GAK: variants seen among roughly 807,000 people sequenced by gnomAD.
GAK encodes cyclin G associated kinase.
Under a neutral mutation model 143.9 loss-of-function variants are expected in GAK, and 79 were observed. That is an observed-to-expected ratio of 0.55 (90% CI 0.46 to 0.66). The LOEUF (loss-of-function observed/expected upper bound fraction) is 0.66. GAK is among the 30% of genes least tolerant of loss of function. The pLI is 0.00. For missense variants in GAK, 1,693 were observed against 1,779.7 expected, an observed-to-expected ratio of 0.95 and a Z score of 0.88; for synonymous variants, 881 against 765.5, an observed-to-expected ratio of 1.15 and a Z score of -2.49.
intron 1 of GAK, among the ~76,000 whole-genome samples, chr4:930,800 T>G (rs1279509134): frequency 6.6e-6 from 1 of 152,192 alleles, no homozygotes; most frequent in Admixed American, 6.5e-5. Flanking sequence ...CTGTTTGGTT[T>G]TGACCACAAT....
At chr4:889,108 T>C (rs1717143107) in intron 10 of GAK, 138 bp from the exon 11 acceptor site, 1 of 1,154,898 alleles carries the variant, frequency 8.7e-7, no homozygotes, top group Non-Finnish European at 1.2e-6. Context: ...AGGTGCAGGT[T>C]GCTGGCTGGG....
chr4:858,703 G>A lies in GAK; in HGVS notation c.3283+903C>T, dbSNP rs980872296. Among the ~76,000 whole-genome samples, 5 of 152,370 alleles carry A rather than the reference G, an allele frequency of 3.3e-5. No individual in the cohort carries two copies. The South Asian group carries it at 8.3e-4, about 25-fold the overall frequency. On this transcript the variant is annotated intron_variant, in intron 24 of 27. Coordinates refer to ENST00000314167, the MANE Select transcript of GAK (RefSeq NM_005255.4). ...CAGAAGGCACTTCAGATGTGAGCTC[G>A]CAAGAGCAGAGTGAGGACTCAAAGC...
intron 22 of GAK, 86 bp from the exon 23 acceptor site, chr4:865,330 C>T (rs1054052261): frequency 3.2e-6 from 5 of 1,562,468 alleles, no homozygotes; most frequent in Non-Finnish European, 2.6e-6. Context: ...GCTCAGGGCC[C>T]TAGGAGCGGA....
chr4:902,561 G>A (rs1316126417), intron 5 of GAK, among the ~76,000 whole-genome samples: 18 of 131,440 alleles, frequency 1.4e-4, no homozygotes, highest in African/African-American at 4.4e-4. Context: ...CGTCAGTGCC[G>A]CTGCACTCCA....
chr4:861,885 CTT>C (rs1374187319), intron 23 of GAK, among the ~76,000 whole-genome samples: 1 of 152,220 alleles, frequency 6.6e-6, no homozygotes, highest in Non-Finnish European at 1.5e-5. Context: ...GGTCTCAACT[CTT>C]TCAATTCTAT....
intron 10 of GAK, among the ~76,000 whole-genome samples, chr4:889,598 T>G (rs1055110524): frequency 1.3e-5 from 2 of 152,130 alleles, no homozygotes; most frequent in Non-Finnish European, 2.9e-5. Flanking sequence ...CACCTGCATG[T>G]GTGGGACCCA....
intron 26 of GAK, 51 bp downstream of exon 26, chr4:850,885 G>GCT: frequency 6.3e-7 from 1 of 1,584,024 alleles, no homozygotes; most frequent in Non-Finnish European, 8.6e-7. Flanking sequence ...TGCTCCAGGG[G>GCT]CCATGGGTTG....
At chr4:912,872 T>G in intron 2 of GAK, 78 bp from the exon 3 acceptor site, 1 of 1,246,218 alleles carries the variant, frequency 8.0e-7, no homozygotes, top group Non-Finnish European at 1.2e-6. Context: ...ATCTCAGACA[T>G]AAGCACGCAA....
chr4:850,334 C>T (rs938713464), intron 26 of GAK: 1 of 401,370 alleles, frequency 2.5e-6, no homozygotes, highest in Non-Finnish European at 4.5e-6. Flanking sequence ...GGACACAAAC[C>T]CTGGTTCTGG....
chr4:900,266 C>T (rs1719615261), intron 5 of GAK, among the ~76,000 whole-genome samples: 1 of 152,216 alleles, frequency 6.6e-6, no homozygotes, highest in Non-Finnish European at 1.5e-5. Flanking sequence ...CACAGCAGGA[C>T]GACGCACGGG....
chr4:850,676 G>A (rs1332879324), intron 26 of GAK: 3 of 156,890 alleles, frequency 1.9e-5, no homozygotes, highest in Admixed American at 6.7e-5. Context: ...GAGCCATCTG[G>A]GCACGTGGGG....
At chr4:884,648 G>A (rs1388367263) in intron 11 of GAK, among the ~76,000 whole-genome samples, 2 of 152,224 alleles carry the variant, frequency 1.3e-5, no homozygotes, top group Admixed American at 1.3e-4. Context: ...CCACGGAATC[G>A]GTAACACAGA....
intron 5 of GAK, among the ~76,000 whole-genome samples, chr4:898,633 G>A (rs535984952): frequency 9.8e-4 from 149 of 152,324 alleles, no homozygotes; most frequent in Middle Eastern, 6.8e-3. Flanking sequence ...AGGCCAAGGC[G>A]GGCGGATCAC....
At chr4:921,247 C>G (rs1223590304) in intron 1 of GAK, among the ~76,000 whole-genome samples, 3 of 152,174 alleles carry the variant, frequency 2.0e-5, no homozygotes, top group African/African-American at 7.2e-5. Flanking sequence ...GGACTACAGA[C>G]GTGCGTCACC....
Position 870,924 on chromosome 4 carries a change from C to T in GAK, c.2055-20G>A, listed in dbSNP as rs752219952. On this transcript the variant is annotated intron_variant, in intron 18 of 27. Coordinates refer to ENST00000314167, the MANE Select transcript of GAK (RefSeq NM_005255.4). Reference sequence around the variant, plus strand: ...TCATACCTGCGGTTACAAGTAGACACCACTTAGGAAGGCCACCCAAGTAGT... The same window carrying T: ...TCATACCTGCGGTTACAAGTAGACATCACTTAGGAAGGCCACCCAAGTAGT... 3 of 1,592,804 alleles carry T rather than the reference C, an allele frequency of 1.9e-6. No homozygotes were observed. Among genetic ancestry groups the T allele is most frequent in the Non-Finnish European group, 2.6e-6 (3 of 1,168,382 alleles).
chr4:870,376 C>T (rs759846675), intron 19 of GAK, among the ~76,000 whole-genome samples: 2 of 152,312 alleles, frequency 1.3e-5, no homozygotes, highest in South Asian at 2.1e-4. Context: ...TGAGAGTGGA[C>T]GTGTGTCCAG....
chr4:912,855 A>G, intron 2 of GAK, 61 bp from the exon 3 acceptor site: 1 of 1,462,728 alleles, frequency 6.8e-7, no homozygotes, highest in Non-Finnish European at 9.6e-7. Flanking sequence ...ACTCCACCCG[A>G]TGCATCATCT....
intron 24 of GAK, among the ~76,000 whole-genome samples, chr4:856,380 G>T (rs1335422673): frequency 1.3e-5 from 1 of 77,592 alleles, no homozygotes; most frequent in African/African-American, 5.6e-5. Context: ...GCTCACCACA[G>T]CTGCTCACAC....
intron 19 of GAK, 149 bp downstream of exon 19, chr4:870,562 T>C (rs931142957): frequency 5.6e-6 from 4 of 710,568 alleles, no homozygotes; most frequent in African/African-American, 3.6e-5. Flanking sequence ...CGACGGAGTT[T>C]CCAAAACCTC....
Sources: gnomAD v4.1 joint callset for allele counts (sites outside exome capture counted in the v4.1 genomes callset) on GRCh38, gnomAD v4.1.1 for gene constraint, MANE v1.5 for transcripts, NCBI Gene and HGNC (gene_info 2026-07-23, HGNC 2026-07-21) for gene names.